Variants in CDK14 observed in about 807,000 individuals in gnomAD.
CDK14 encodes the protein cyclin-dependent kinase 14.
CDK14 carries 34 observed loss-of-function variants against 60.7 expected under a neutral mutation model. The ratio of observed to expected loss-of-function variants is 0.56; its 90% CI spans 0.43 to 0.75. The LOEUF (loss-of-function observed/expected upper bound fraction) is 0.75. Among genes scored for constraint, CDK14 ranks in the 30% least tolerant of loss-of-function variants. The pLI is 0.00. For synonymous variants in CDK14, 197 were observed against 203.7 expected (o/e 0.97, Z 0.28); for missense variants, 482 against 564.1 (o/e 0.85, Z 1.47).
At chr7:90,621,717 AATTCACCAACTGTTT>A (rs1190860592) in intron 2 of CDK14, among the ~76,000 whole-genome samples, 1 of 139,186 alleles carries the variant, frequency 7.2e-6, no homozygotes, top group Non-Finnish European at 1.6e-5. Context: ...TTGCCACAGG[AATTCACCAACTGTTT>A]ATTCATGGGG....
chr7:90,731,476 A>G (rs909131553), intron 3 of CDK14, among the ~76,000 whole-genome samples: 1 of 152,248 alleles, frequency 6.6e-6, no homozygotes, highest in Non-Finnish European at 1.5e-5. Context: ...ATCCATGACC[A>G]TGGAATGTTT....
intron 14 of CDK14, among the ~76,000 whole-genome samples, chr7:91,118,848 C>T (rs1296765069): frequency 6.6e-6 from 1 of 152,104 alleles, no homozygotes; most frequent in African/African-American, 2.4e-5. Flanking sequence ...TCTTTGTCCT[C>T]TACTATTGTG....
chr7:90,633,263 G>T (rs1180851278), intron 2 of CDK14, among the ~76,000 whole-genome samples: 1 of 152,052 alleles, frequency 6.6e-6, no homozygotes, highest in Admixed American at 6.6e-5. Context: ...AACTCTGTAT[G>T]TTTACATATT....
intron 11 of CDK14, among the ~76,000 whole-genome samples, chr7:91,076,265 A>T (rs2116205524): frequency 6.8e-6 from 1 of 146,092 alleles, no homozygotes; most frequent in South Asian, 2.1e-4. Flanking sequence ...AAAAAAAAAA[A>T]AAAAAAAAAA....
chr7:90,653,995 A>G (rs546752060), intron 2 of CDK14, among the ~76,000 whole-genome samples: 1 of 152,206 alleles, frequency 6.6e-6, no homozygotes, highest in Admixed American at 6.5e-5. Flanking sequence ...AAGGACATGA[A>G]CTCATCATTT....
intron 5 of CDK14, among the ~76,000 whole-genome samples, chr7:90,806,794 T>A (rs994759405): frequency 3.9e-5 from 6 of 152,216 alleles, no homozygotes; most frequent in Admixed American, 2.6e-4. Context: ...CCAATGGTCT[T>A]AGCAAACGGT....
chr7:90,859,827 G>A (rs1208332168), intron 5 of CDK14, among the ~76,000 whole-genome samples: 1 of 151,916 alleles, frequency 6.6e-6, no homozygotes, highest in Non-Finnish European at 1.5e-5. Flanking sequence ...TTTGCCAAGG[G>A]ATCAAGGACC....
chr7:90,664,452 G>A (rs1288639427), intron 2 of CDK14, among the ~76,000 whole-genome samples: 1 of 152,156 alleles, frequency 6.6e-6, no homozygotes, highest in African/African-American at 2.4e-5. Flanking sequence ...TATACCCAAA[G>A]GATTATAAAT....
At chr7:90,779,978 T>C (rs1169145029) in intron 4 of CDK14, among the ~76,000 whole-genome samples, 1 of 152,206 alleles carries the variant, frequency 6.6e-6, no homozygotes, top group Non-Finnish European at 1.5e-5. Context: ...TTGAAGTTGA[T>C]TTGTTGAAGA....
chr7:91,043,748 T>C (rs976168961), intron 10 of CDK14, among the ~76,000 whole-genome samples: 1 of 152,186 alleles, frequency 6.6e-6, no homozygotes, highest in Non-Finnish European at 1.5e-5. Flanking sequence ...CTGGAAAAAG[T>C]AACCAAGTAT....
chr7:90,782,937 T>A (rs1034520759), intron 4 of CDK14, among the ~76,000 whole-genome samples: 1 of 152,116 alleles, frequency 6.6e-6, no homozygotes, highest in East Asian at 1.9e-4. Flanking sequence ...CCAGTGAGGA[T>A]CTTTTTGTCT....
intron 10 of CDK14, among the ~76,000 whole-genome samples, chr7:91,000,525 C>T (rs1355817837): frequency 6.6e-6 from 1 of 152,156 alleles, no homozygotes; most frequent in Admixed American, 6.5e-5. Context: ...AAGGATATAG[C>T]CGAGATTCGT....
intron 2 of CDK14, among the ~76,000 whole-genome samples, chr7:90,653,474 T>C (rs1800689446): frequency 6.6e-6 from 1 of 152,006 alleles, no homozygotes. Flanking sequence ...TCCTCCTTTC[T>C]CTGGATCCTA....
intron 2 of CDK14, among the ~76,000 whole-genome samples, chr7:90,672,219 G>T (rs191118783): frequency 1.1e-3 from 174 of 152,130 alleles, no homozygotes; most frequent in African/African-American, 3.9e-3. Flanking sequence ...ATACAATTCA[G>T]TAGTTTTTAG....
intron 7 of CDK14, among the ~76,000 whole-genome samples, chr7:90,916,093 C>T (rs1793070969): frequency 1.3e-5 from 2 of 152,134 alleles, no homozygotes; most frequent in South Asian, 2.1e-4. Flanking sequence ...TTTGATAACA[C>T]AAAGTGGCTT....
intron 2 of CDK14, among the ~76,000 whole-genome samples, chr7:90,673,746 A>G (rs1486164648): frequency 6.6e-6 from 1 of 152,172 alleles, no homozygotes; most frequent in East Asian, 1.9e-4. Context: ...CAAAAGTATA[A>G]TTTCATGCCT....
chr7:90,905,853 A>G (rs988732169), intron 7 of CDK14, among the ~76,000 whole-genome samples: 5 of 152,180 alleles, frequency 3.3e-5, no homozygotes, highest in African/African-American at 1.2e-4. Context: ...GTTAAAAAAT[A>G]GATGTAGCTT....
chr7:91,010,829 C>CTTCCTTCT (rs1199154651), intron 10 of CDK14, among the ~76,000 whole-genome samples: 1 of 74,840 alleles, frequency 1.3e-5, no homozygotes, highest in African/African-American at 5.2e-5. Flanking sequence ...TCCTTCCTTC[C>CTTCCTTCT]TTCCTCCCTC....
intron 2 of CDK14, among the ~76,000 whole-genome samples, chr7:90,696,434 G>A (rs757247120): frequency 2.7e-5 from 4 of 148,302 alleles, no homozygotes; most frequent in Non-Finnish European, 5.9e-5. Context: ...TCCGCCTCCC[G>A]GGTTCAAGTG....
Sources: gnomAD v4.1 joint callset for allele counts (sites outside exome capture counted in the v4.1 genomes callset) on GRCh38, gnomAD v4.1.1 for gene constraint, MANE v1.5 for transcripts, NCBI Gene and HGNC (gene_info 2026-07-23, HGNC 2026-07-21) for gene names.